The following BTD variants were observed in gnomAD, a reference collection of about 807,000 sequenced individuals.
BTD encodes the protein biocytinase.
In BTD, 13 loss-of-function variants were observed where a neutral mutation model predicts 17.7. That is an observed-to-expected ratio of 0.74 (90% CI 0.48 to 1.17). BTD has a LOEUF of 1.17. Among genes scored for constraint, BTD ranks in the 50% most tolerant of loss-of-function variants. The probability of loss-of-function intolerance (pLI) is 0.00; values close to 1 mark genes in which losing one functional copy is unlikely to be tolerated. For missense variants in BTD, 674 were observed against 650.4 expected (o/e 1.04, Z -0.39); for synonymous variants, 240 against 245.2 (o/e 0.98, Z 0.20).
chr3:15,689,364 G>A (rs2068514868), intron 3 of BTD, among the ~76,000 whole-genome samples: 1 of 152,192 alleles, frequency 6.6e-6, no homozygotes, highest in South Asian at 2.1e-4. Flanking sequence ...TAACCAGTAG[G>A]TGTGACATAG....
chr3:15,616,261 C>CA (rs1264457526), intron 1 of BTD, among the ~76,000 whole-genome samples: 5 of 152,134 alleles, frequency 3.3e-5, no homozygotes, highest in Non-Finnish European at 5.9e-5. Context: ...TTTGTGTTCC[C>CA]ATCAGCAATG....
chr3:15,693,821 G>A (rs1490959921), intron 3 of BTD, among the ~76,000 whole-genome samples: 2 of 152,166 alleles, frequency 1.3e-5, no homozygotes, highest in Non-Finnish European at 1.5e-5. Context: ...GGAAGTATCA[G>A]TAGGGAGAAA....
At chr3:15,616,979 C>T (rs1219697427) in intron 1 of BTD, among the ~76,000 whole-genome samples, 1 of 152,046 alleles carries the variant, frequency 6.6e-6, no homozygotes, top group Non-Finnish European at 1.5e-5. Context: ...ACTACAGGCA[C>T]GAGCCACCAC....
At chr3:15,664,654 A>T in intron 3 of BTD, among the ~76,000 whole-genome samples, 1 of 152,206 alleles carries the variant, frequency 6.6e-6, no homozygotes, top group Non-Finnish European at 1.5e-5. Flanking sequence ...TTTCACTGAC[A>T]TCATTTAGCA....
rs1389454960 is a variant in BTD at position 15,614,121 on chromosome 3, C to CTTTTTTTTTTTTTTTTTTTT, written c.-17+12230_-17+12231insTTTTTTTTTTTTTTTTTTTT. Among the ~76,000 whole-genome samples the CTTTTTTTTTTTTTTTTTTTT allele has an allele frequency of 3.0e-5, 4 of 131,726 alleles. 1 individual carries two copies. The highest frequency in any genetic ancestry group is 3.3e-5 in the African/African-American group (1 of 29,956). The allele number at this position is 131,726 out of a possible 152,430, so 86.4% of individuals were successfully genotyped here. A position where few individuals can be genotyped will look rare whatever the true frequency, so the allele number is the denominator to read the frequency against. On this transcript the variant is annotated intron_variant, in intron 1 of 3. Transcript: ENST00000643237. ...TTATGTATTTTCTCCCTCTTTCTTTCTTTCTTTTTTTTTTTTTTTTAAGTC... is the reference window on the plus strand; with the variant it reads ...TTATGTATTTTCTCCCTCTTTCTTTCTTTTTTTTTTTTTTTTTTTTTTTCTTTTTTTTTTTTTTTTAAGTC...
chr3:15,721,346 T>C (rs1188503859), intron 4 of BTD, among the ~76,000 whole-genome samples: 1 of 152,204 alleles, frequency 6.6e-6, no homozygotes, highest in Non-Finnish European at 1.5e-5. Flanking sequence ...TCAGGGAATA[T>C]AATTCACATA....
intron 1 of BTD, among the ~76,000 whole-genome samples, chr3:15,618,774 C>T (rs1281280325): frequency 6.6e-6 from 1 of 152,202 alleles, no homozygotes; most frequent in Non-Finnish European, 1.5e-5. Context: ...ATCCACCTGC[C>T]TCAGCCTCCC....
chr3:15,607,221 T>C (rs759956120), intron 1 of BTD, among the ~76,000 whole-genome samples: 9 of 152,332 alleles, frequency 5.9e-5, no homozygotes, highest in Non-Finnish European at 1.2e-4. Context: ...TTTTTGCTTA[T>C]TTACTGATTG....
chr3:15,676,241 C>A (rs979992155), intron 3 of BTD: 2 of 371,738 alleles, frequency 5.4e-6, no homozygotes, highest in African/African-American at 4.2e-5. Flanking sequence ...CCTACCTTCA[C>A]CCAATCCTTT....
chr3:15,658,723 A>G (rs566538015), intron 3 of BTD, among the ~76,000 whole-genome samples: 1 of 152,196 alleles, frequency 6.6e-6, no homozygotes, highest in Non-Finnish European at 1.5e-5. Flanking sequence ...CTTCTGGGAA[A>G]ACGAACTGCT....
At chr3:15,690,273 C>T in intron 3 of BTD, 1 of 1,389,144 alleles carries the variant, frequency 7.2e-7, no homozygotes. Flanking sequence ...GACTGACTTC[C>T]TAAATACTTG....
intron 1 of BTD, among the ~76,000 whole-genome samples, chr3:15,606,114 C>G (rs921643726): frequency 6.6e-6 from 1 of 151,492 alleles, no homozygotes; most frequent in African/African-American, 2.4e-5. Flanking sequence ...CACAATGCCT[C>G]CTGTCCTTGT....
At chr3:15,721,462 GAATT>G (rs1374370085) in intron 4 of BTD, among the ~76,000 whole-genome samples, 1 of 152,102 alleles carries the variant, frequency 6.6e-6, no homozygotes, top group Non-Finnish European at 1.5e-5. Context: ...ATTTACTATA[GAATT>G]AATTATAATC....
intron 1 of BTD, among the ~76,000 whole-genome samples, chr3:15,634,064 G>T (rs1268757953): frequency 6.6e-6 from 1 of 152,196 alleles, no homozygotes; most frequent in Non-Finnish European, 1.5e-5. Context: ...ATGGAACCGG[G>T]TTGGGGTGGG....
chr3:15,619,043 T>G (rs776063876), intron 1 of BTD, among the ~76,000 whole-genome samples: 1 of 152,242 alleles, frequency 6.6e-6, no homozygotes, highest in Non-Finnish European at 1.5e-5. Flanking sequence ...TGTGTATCTT[T>G]TCTTTGCTTT....
At chr3:15,609,362 G>T (rs145006299) in intron 1 of BTD, among the ~76,000 whole-genome samples, 215 of 152,230 alleles carry the variant, frequency 1.4e-3, no homozygotes, top group African/African-American at 5.1e-3. Flanking sequence ...GGTGTTTGTA[G>T]TTCCCACATT....
At position 15,635,437 on chromosome 3, in the gene BTD, A is replaced by G. The variant is rs1202090699; in HGVS notation, c.-3A>G. The G allele has an allele frequency of 6.2e-7, 1 of 1,614,090 alleles. No individual in the cohort carries two copies. The highest frequency in any genetic ancestry group is 1.3e-5 in the African/African-American group (1 of 74,922). ...ATTACATTCCAGATTTGTGGTCTGC[A>G]TTATGTCTGGAGCCAGAAGTAAGCT... On this transcript the variant is annotated 5_prime_UTR_variant, in exon 2 of 4. Coordinates refer to ENST00000643237, the MANE Select transcript of BTD (RefSeq NM_001370658.1). This position sits in a 1 kb window ranked among gnomAD's most constrained non-coding sequence, Gnocchi z 4.1.
At chr3:15,630,033 CAG>C (rs1553651133) in intron 1 of BTD, 16 of 985,284 alleles carry the variant, frequency 1.6e-5, no homozygotes, top group African/African-American at 5.2e-5. Context: ...CTGTGTGTCA[CAG>C]GGGGAATGGG....
At chr3:15,620,350 G>A (rs9825684) in intron 1 of BTD, among the ~76,000 whole-genome samples, 6,543 of 152,016 alleles carry the variant, frequency 0.043, 404 homozygotes, top group African/African-American at 0.14. Context: ...CCTTTCCCAG[G>A]GTATTAATAT....
Sources: allele counts gnomAD v4.1 joint callset (sites outside exome capture counted in the v4.1 genomes callset), GRCh38; gene constraint gnomAD v4.1.1; non-coding constraint Gnocchi (gnomAD v3.1); transcripts MANE v1.5; gene names NCBI Gene and HGNC (gene_info 2026-07-23, HGNC 2026-07-21).